MTA3: variants seen among roughly 807,000 people sequenced by gnomAD.
MTA3 encodes metastasis-associated protein MTA3.
MTA3 carries 34 observed loss-of-function variants against 83.5 expected under a neutral mutation model. The ratio of observed to expected loss-of-function variants is 0.41; its 90% CI spans 0.31 to 0.54. The LOEUF (loss-of-function observed/expected upper bound fraction) is 0.54. Ranked by LOEUF, MTA3 falls within the 20% of genes least tolerant of loss-of-function variation. The pLI is 0.33. For synonymous variants in MTA3, 303 were observed against 252.7 expected (o/e 1.20, Z -1.89); for missense variants, 761 against 726.4 (o/e 1.05, Z -0.55).
intron 3 of MTA3, among the ~76,000 whole-genome samples, chr2:42,580,445 C>A (rs1679493733): frequency 6.6e-6 from 1 of 152,032 alleles, no homozygotes; most frequent in Non-Finnish European, 1.5e-5. Context: ...CATCTTGGCT[C>A]ACTGCAACCT....
intron 2 of MTA3, among the ~76,000 whole-genome samples, chr2:42,556,983 C>T (rs1677423082): frequency 6.6e-6 from 1 of 152,190 alleles, no homozygotes. Context: ...ACGCTGGAAA[C>T]TTCTCTCCTC....
chr2:42,731,793 T>A (rs983899024), intron 16 of MTA3, among the ~76,000 whole-genome samples: 2 of 152,160 alleles, frequency 1.3e-5, no homozygotes, highest in Admixed American at 1.3e-4. Flanking sequence ...CACAGTCCAG[T>A]CTCATTTGAG....
At chr2:42,530,322 C>G (rs1172175558) in intron 2 of MTA3, among the ~76,000 whole-genome samples, 1 of 151,668 alleles carries the variant, frequency 6.6e-6, no homozygotes, top group African/African-American at 2.4e-5. Context: ...ACCGTCTCTA[C>G]TAAAAATACA....
intron 16 of MTA3, among the ~76,000 whole-genome samples, chr2:42,737,161 A>G (rs1010651830): frequency 6.6e-6 from 1 of 152,188 alleles, no homozygotes; most frequent in Admixed American, 6.5e-5. Flanking sequence ...ATGCTCCCCA[A>G]GTCCATTGGC....
rs907141083 is a variant in MTA3, at chr2:42,539,053, C to T, written c.-140-31384C>T. ...CCTCCCAAAGTGCTGGGATTACAGG[C>T]GTGAGCCACCGCTCCCGGCCTGAAA... On this transcript the variant is annotated intron_variant, in intron 2 of 17. Transcript: ENST00000405592. Among the ~76,000 whole-genome samples the T allele has an allele frequency of 8.5e-5, 13 of 152,096 alleles. No homozygotes were observed. In the East Asian group the frequency reaches 9.7e-4, roughly 11 times the overall value.
intron 4 of MTA3, among the ~76,000 whole-genome samples, chr2:42,629,169 T>G (rs1686423689): frequency 6.6e-6 from 1 of 152,114 alleles, no homozygotes; most frequent in Non-Finnish European, 1.5e-5. Flanking sequence ...AATCTCTGTC[T>G]CCCAGGTTCA....
intron 3 of MTA3, among the ~76,000 whole-genome samples, chr2:42,582,418 T>C (rs958381211): frequency 3.3e-5 from 5 of 152,210 alleles, no homozygotes; most frequent in Admixed American, 6.6e-5. Flanking sequence ...CAAACAAGTT[T>C]GCATATATAC....
chr2:42,511,321 C>G (rs1674885897), intron 2 of MTA3, among the ~76,000 whole-genome samples: 1 of 150,126 alleles, frequency 6.7e-6, no homozygotes, highest in Non-Finnish European at 1.5e-5. Flanking sequence ...TGATTCAATT[C>G]TGGTGTGTGT....
chr2:42,647,900 G>A (rs1688363604), intron 6 of MTA3, among the ~76,000 whole-genome samples: 2 of 152,260 alleles, frequency 1.3e-5, no homozygotes, highest in South Asian at 2.1e-4. Context: ...GTGCGGTGGC[G>A]TGATCTCGGC....
chr2:42,637,399 A>T (rs1330135865), intron 4 of MTA3, among the ~76,000 whole-genome samples: 1 of 152,192 alleles, frequency 6.6e-6, no homozygotes, highest in Non-Finnish European at 1.5e-5. Context: ...TAAATTGCCT[A>T]TGGTATCTGT....
At chr2:42,587,841 A>G (rs1264383107) in intron 3 of MTA3, among the ~76,000 whole-genome samples, 2 of 152,084 alleles carry the variant, frequency 1.3e-5, no homozygotes, top group East Asian at 1.9e-4. Context: ...GCCTCAAGTG[A>G]TCTGCCCACC....
chr2:42,533,421 C>A (rs1285674254), intron 2 of MTA3: 1 of 151,604 alleles, frequency 6.6e-6, no homozygotes, highest in East Asian at 2.0e-4. Flanking sequence ...CTAGAGAACA[C>A]ATTTTGGGTG....
At chr2:42,606,882 G>C (rs1194970133) in intron 3 of MTA3, among the ~76,000 whole-genome samples, 2 of 147,260 alleles carry the variant, frequency 1.4e-5, no homozygotes, top group African/African-American at 2.5e-5. Context: ...GCTGGAGACC[G>C]GCCTGGCCAA....
chr2:42,565,159 C>T (rs1677854867), upstream of MTA3, among the ~76,000 whole-genome samples: 1 of 152,058 alleles, frequency 6.6e-6, no homozygotes, highest in Non-Finnish European at 1.5e-5. Context: ...CTCCATTTTA[C>T]CTATTCACCT....
intron 2 of MTA3, among the ~76,000 whole-genome samples, chr2:42,571,431 T>C (rs1322773535): frequency 6.6e-6 from 1 of 150,804 alleles, no homozygotes; most frequent in Non-Finnish European, 1.5e-5. Context: ...TAGAGAGTTA[T>C]GCACGATTCT....
intron 12 of MTA3, among the ~76,000 whole-genome samples, chr2:42,704,989 G>T (rs1665938767): frequency 6.6e-6 from 1 of 152,162 alleles, no homozygotes; most frequent in African/African-American, 2.4e-5. Context: ...TTTCCTTCCA[G>T]TTAAGGTAGC....
chr2:42,599,078 T>C (rs760602719), intron 3 of MTA3, among the ~76,000 whole-genome samples: 3 of 152,180 alleles, frequency 2.0e-5, no homozygotes, highest in Non-Finnish European at 4.4e-5. Context: ...TGGTGACAGC[T>C]CAGGGCTCAG....
At chr2:42,525,592 T>A (rs1675662722) in intron 2 of MTA3, among the ~76,000 whole-genome samples, 1 of 98,964 alleles carries the variant, frequency 1.0e-5, no homozygotes, top group Non-Finnish European at 2.0e-5. Context: ...TTCCTTCCTT[T>A]CCTTCCTTCC....
At chr2:42,533,506 CTTTCT>C (rs1232320354) in intron 2 of MTA3, 2 of 127,822 alleles carry the variant, frequency 1.6e-5, no homozygotes, top group Non-Finnish European at 3.3e-5. Flanking sequence ...TCCTTTCTTT[CTTTCT>C]TTTCTTTTCT....
Sources: allele counts gnomAD v4.1 joint callset (sites outside exome capture counted in the v4.1 genomes callset), GRCh38; gene constraint gnomAD v4.1.1; transcripts MANE v1.5; gene names NCBI Gene and HGNC (gene_info 2026-07-23, HGNC 2026-07-21).